The following OTUD7A variants were observed in gnomAD, a reference collection of about 807,000 sequenced individuals.
OTUD7A encodes the protein OTU deubiquitinase 7A, also known as OTU domain-containing protein 7A.
Under a neutral mutation model 65.7 loss-of-function variants are expected in OTUD7A, and 12 were observed. The observed-to-expected ratio is 0.18, with a 90% confidence interval of 0.12 to 0.30. The LOEUF is 0.30. Ranked by LOEUF, OTUD7A falls within the 10% of genes least tolerant of loss-of-function variation. The pLI, the probability that OTUD7A is intolerant of heterozygous loss-of-function variation, is 1.00. For missense variants in OTUD7A, 1,148 were observed against 1,304.8 expected, an observed-to-expected ratio of 0.88 and a Z score of 1.85; for synonymous variants, 641 against 586.3, an observed-to-expected ratio of 1.09 and a Z score of -1.35.
chr15:31,484,640 C>T lies in OTUD7A; in HGVS notation c.1456G>A (p.Asp486Asn). The T allele has an allele frequency of 1.9e-6, 3 of 1,588,416 alleles. No individual in the cohort carries two copies. Among genetic ancestry groups the T allele is most frequent in the South Asian group, 1.1e-5 (1 of 88,596 alleles). ...CTGTTAGAATTGCTGCACACCGAAT[C>T]GCGGTCCGAGTCCAGCGAGTCGGCC... Reference protein sequence around the residue: ...SLADSLDSDRDSVCSNSNSNN... With the variant: ...SLADSLDSDRNSVCSNSNSNN... The change falls in exon 13 of 13, where the codon GAT (aspartate) becomes AAT (asparagine). Residue 486 changes from aspartate (D) to asparagine (N), a missense_variant. Physicochemically the swap from Asp to Asn is conservative, Grantham distance 23 (BLOSUM62 1). This residue lies in a region of OTUD7A where 842 missense variants were observed against 769.5 expected (regional missense o/e 1.09). Coordinates refer to ENST00000307050, the MANE Select transcript of OTUD7A (RefSeq NM_001382637.1). This position sits in a 1 kb window ranked among gnomAD's most constrained non-coding sequence, Gnocchi z 4.5.
At chr15:31,590,366 GATGA>G (rs1889684812) in intron 3 of OTUD7A, among the ~76,000 whole-genome samples, 1 of 152,122 alleles carries the variant, frequency 6.6e-6, no homozygotes, top group South Asian at 2.1e-4. Flanking sequence ...GTCATTCAGT[GATGA>G]ATGACTATAT....
At chr15:31,695,047 G>T (rs141165987) in intron 1 of OTUD7A, among the ~76,000 whole-genome samples, 1 of 152,006 alleles carries the variant, frequency 6.6e-6, no homozygotes, top group Admixed American at 6.6e-5. Flanking sequence ...GGGTTTCACC[G>T]TGTTAGCCAG....
At chr15:31,647,975 A>G (rs1260498895) in intron 3 of OTUD7A, among the ~76,000 whole-genome samples, 1 of 151,952 alleles carries the variant, frequency 6.6e-6, no homozygotes, top group Admixed American at 6.6e-5. Flanking sequence ...TGCCTCAGGT[A>G]ATGAGGGGAG....
chr15:31,688,442 G>A (rs868662432), intron 1 of OTUD7A, among the ~76,000 whole-genome samples: 2 of 151,894 alleles, frequency 1.3e-5, no homozygotes, highest in Non-Finnish European at 2.9e-5. Context: ...TCAACATCAC[G>A]AAAGAGAAAA....
chr15:31,631,236 C>T (rs893696060), intron 3 of OTUD7A, among the ~76,000 whole-genome samples: 6 of 152,178 alleles, frequency 3.9e-5, no homozygotes, highest in Admixed American at 3.3e-4. Context: ...CCAGTTGTTC[C>T]TTTCCATGTT....
chr15:31,713,117 C>T (rs2654052), intron 1 of OTUD7A, among the ~76,000 whole-genome samples: 2,602 of 152,084 alleles, frequency 0.017, 77 homozygotes, highest in African/African-American at 0.059. Context: ...TTTATGTCCA[C>T]AGTAAATGTG....
chr15:31,647,627 C>T (rs1891715270), intron 3 of OTUD7A, among the ~76,000 whole-genome samples: 1 of 152,046 alleles, frequency 6.6e-6, no homozygotes, highest in South Asian at 2.1e-4. Context: ...TTCCTTCTCC[C>T]CGACTTAGTT....
intron 1 of OTUD7A, among the ~76,000 whole-genome samples, chr15:31,687,968 C>T (rs1226760879): frequency 6.6e-6 from 1 of 152,124 alleles, no homozygotes; most frequent in Non-Finnish European, 1.5e-5. Context: ...GTAATCGCAG[C>T]ACTTTTAGAG....
intron 5 of OTUD7A, among the ~76,000 whole-genome samples, chr15:31,551,693 T>C (rs139543464): frequency 6.6e-6 from 1 of 152,328 alleles, no homozygotes; most frequent in East Asian, 1.9e-4. Context: ...ATCAGAAAGA[T>C]GAGGGGATTC....
chr15:31,848,013 T>C (rs1273627972), intron 1 of OTUD7A, among the ~76,000 whole-genome samples: 2 of 152,150 alleles, frequency 1.3e-5, no homozygotes, highest in Non-Finnish European at 2.9e-5. Context: ...CTTCAACATG[T>C]GCAGATTACA....
intron 1 of OTUD7A, 106 bp downstream of exon 1, chr15:31,870,401 C>T (rs948145010): frequency 2.7e-5 from 4 of 146,870 alleles, no homozygotes; most frequent in Non-Finnish European, 4.6e-5. Flanking sequence ...CGCCACGGAG[C>T]TCGGGAAGGA....
intron 1 of OTUD7A, among the ~76,000 whole-genome samples, chr15:31,784,529 T>C (rs1895622168): frequency 6.6e-6 from 1 of 152,242 alleles, no homozygotes; most frequent in South Asian, 2.1e-4. Context: ...AGGTTTATAA[T>C]TGTAATTTTA....
At chr15:31,860,174 A>G (rs529588450) in intron 1 of OTUD7A, among the ~76,000 whole-genome samples, 1 of 152,300 alleles carries the variant, frequency 6.6e-6, no homozygotes, top group South Asian at 2.1e-4. Context: ...ATCTGAAACT[A>G]TAATTCTTCT....
chr15:31,866,545 T>C (rs1391380697), intron 1 of OTUD7A, among the ~76,000 whole-genome samples: 1 of 152,214 alleles, frequency 6.6e-6, no homozygotes, highest in Non-Finnish European at 1.5e-5. Flanking sequence ...GTGGCATCTG[T>C]GTTAAGGCCA....
At chr15:31,641,483 G>T (rs1166838168) in intron 3 of OTUD7A, among the ~76,000 whole-genome samples, 1 of 152,082 alleles carries the variant, frequency 6.6e-6, no homozygotes, top group Non-Finnish European at 1.5e-5. Context: ...ATAAAAAGCT[G>T]GCTTGGATTG....
chr15:31,528,192 T>C lies in OTUD7A; in HGVS notation c.653-884A>G, dbSNP rs530250825. 1.9e-3 allele frequency among the ~76,000 whole-genome samples: 282 copies of C among 152,208 alleles called. 2 individuals carry two copies. Among genetic ancestry groups the C allele is most frequent in the African/African-American group, 6.1e-3 (255 of 41,530 alleles). On this transcript the variant is annotated intron_variant, in intron 6 of 12. Transcript: ENST00000307050. ...CACGAGGCTGGCACAGAGTGTACGA[T>C]GTTGAGGGTGGCAGCCCCACGAGGA... is the stretch of plus-strand genomic sequence containing the variant.
intron 8 of OTUD7A, among the ~76,000 whole-genome samples, chr15:31,522,026 C>A (rs532321211): frequency 6.6e-6 from 1 of 152,352 alleles, no homozygotes; most frequent in South Asian, 2.1e-4. Flanking sequence ...GCCTGGTCTG[C>A]ATTTGTCAAG....
intron 1 of OTUD7A, among the ~76,000 whole-genome samples, chr15:31,750,125 C>T (rs989372573): frequency 1.3e-5 from 2 of 152,130 alleles, no homozygotes; most frequent in East Asian, 1.9e-4. Flanking sequence ...TTAAAATGTT[C>T]GACCGGGCAT....
intron 1 of OTUD7A, among the ~76,000 whole-genome samples, chr15:31,831,794 C>A (rs1487767514): frequency 6.6e-6 from 1 of 152,256 alleles, no homozygotes. Context: ...CAATGGAATG[C>A]AGACAGTGAC....
Sources: gnomAD v4.1 joint callset for allele counts (sites outside exome capture counted in the v4.1 genomes callset) on GRCh38, gnomAD v4.1.1 for gene constraint, gnomAD v4.1.1 regional missense constraint, Gnocchi (gnomAD v3.1) non-coding constraint, MANE v1.5 for transcripts, NCBI Gene and HGNC (gene_info 2026-07-23, HGNC 2026-07-21) for gene names.